The following SCN9A variants were observed in gnomAD, a reference collection of about 807,000 sequenced individuals.
The protein encoded by SCN9A is sodium voltage-gated channel alpha subunit 9.
A neutral mutation model predicts 187.0 loss-of-function variants in SCN9A; 131 were observed. That is an observed-to-expected ratio of 0.70 (90% confidence interval 0.61 to 0.81). The LOEUF (loss-of-function observed/expected upper bound fraction) is 0.81. Among genes scored for constraint, SCN9A ranks in the 30% least tolerant of loss-of-function variants. The probability of loss-of-function intolerance (pLI) is 0.00; values close to 1 mark genes in which losing one functional copy is unlikely to be tolerated. For synonymous variants in SCN9A, 809 were observed against 808.6 expected (o/e 1.00, Z -0.01); for missense variants, 2,252 against 2,396.6 (o/e 0.94, Z 1.26).
chr2:166,356,191 T>A (rs1380258089), intron 1 of SCN9A, among the ~76,000 whole-genome samples: 1 of 152,314 alleles, frequency 6.6e-6, no homozygotes, highest in East Asian at 1.9e-4. Flanking sequence ...AGTGTTTGGG[T>A]CATCCACCTC....
intron 9 of SCN9A, among the ~76,000 whole-genome samples, chr2:166,292,745 C>CA (rs1698133349): frequency 1.3e-5 from 2 of 151,984 alleles, no homozygotes; most frequent in South Asian, 2.1e-4. Flanking sequence ...GAAGAAAATA[C>CA]AAAAAATCAT....
intron 21 of SCN9A, 74 bp downstream of exon 21, chr2:166,233,266 C>A: frequency 2.7e-6 from 3 of 1,101,678 alleles, no homozygotes; most frequent in Non-Finnish European, 3.7e-6. Context: ...CTCATAATTT[C>A]TACATACCCA....
chr2:166,311,880 A>G (rs1698974717), intron 1 of SCN9A, 74 bp from the exon 2 acceptor site: 6 of 838,938 alleles, frequency 7.2e-6, no homozygotes, highest in Admixed American at 5.9e-5. Context: ...TAATAATAAC[A>G]ACATAAACAG....
At chr2:166,307,157 A>G (rs1459713708) in intron 2 of SCN9A, 83 bp from the exon 3 acceptor site, 2 of 729,764 alleles carry the variant, frequency 2.7e-6, no homozygotes, top group Non-Finnish European at 4.8e-6. Context: ...ACCTTTCTAC[A>G]TGGCAGTGTT....
chr2:166,349,396 T>G (rs1699979473), intron 1 of SCN9A, among the ~76,000 whole-genome samples: 2 of 152,238 alleles, frequency 1.3e-5, no homozygotes, highest in South Asian at 4.1e-4. Flanking sequence ...CACAAAGTTA[T>G]GTAATGAGTT....
In SCN9A at chr2:166,241,290, G is replaced by A. The variant is rs144128425; in HGVS notation, c.3627+1212C>T. On this transcript the variant is annotated intron_variant, in intron 19 of 26. Transcript: ENST00000642356. ...TAATGGCTCATCTCTGTCAGCGTCA[G>A]CAGGAAAAATGACAATTAAGAAAAA... Among the ~76,000 whole-genome samples the A allele has an allele frequency of 1.8e-3, 276 of 152,144 alleles. 1 individual carries two copies. The highest frequency in any genetic ancestry group is 6.4e-3 in the African/African-American group (266 of 41,530).
chr2:166,351,426 TG>T (rs1700030710), intron 1 of SCN9A, among the ~76,000 whole-genome samples: 1 of 152,186 alleles, frequency 6.6e-6, no homozygotes, highest in Non-Finnish European at 1.5e-5. Flanking sequence ...GTGGGTCATG[TG>T]GTAAGGTTCT....
At chr2:166,240,479 CCT>C (rs905900417) in intron 19 of SCN9A, among the ~76,000 whole-genome samples, 36 of 152,234 alleles carry the variant, frequency 2.4e-4, no homozygotes, top group African/African-American at 8.7e-4. Flanking sequence ...CAAATGTCTT[CCT>C]CTGTTTTAGA....
intron 26 of SCN9A, among the ~76,000 whole-genome samples, chr2:166,200,189 G>C (rs1234053039): frequency 6.7e-6 from 1 of 149,300 alleles, no homozygotes; most frequent in African/African-American, 2.5e-5. Context: ...AGTAGAGACG[G>C]GGTTTCACCT....
intron 17 of SCN9A, among the ~76,000 whole-genome samples, chr2:166,261,877 T>C (rs1455975110): frequency 1.4e-4 from 21 of 152,010 alleles, no homozygotes. Context: ...TTCTACTTAA[T>C]ACATTGTCCT....
At chr2:166,314,406 G>A (rs971822328) in intron 1 of SCN9A, among the ~76,000 whole-genome samples, 1 of 152,146 alleles carries the variant, frequency 6.6e-6, no homozygotes, top group African/African-American at 2.4e-5. Flanking sequence ...TTCAAAAGTA[G>A]GATGATTCTG....
At chr2:166,350,945 T>G (rs535596388) in intron 1 of SCN9A, among the ~76,000 whole-genome samples, 9 of 152,262 alleles carry the variant, frequency 5.9e-5, no homozygotes, top group African/African-American at 2.2e-4. Flanking sequence ...GACGGTGACT[T>G]TTTTTATAAT....
chr2:166,322,903 G>A (rs1699278443), intron 1 of SCN9A, among the ~76,000 whole-genome samples: 1 of 152,084 alleles, frequency 6.6e-6, no homozygotes, highest in Admixed American at 6.5e-5. Context: ...TAAAAATGTT[G>A]AGGCATTTAG....
intron 1 of SCN9A, among the ~76,000 whole-genome samples, chr2:166,343,641 A>G (rs1443608398): frequency 2.0e-5 from 3 of 152,054 alleles, no homozygotes; most frequent in Non-Finnish European, 4.4e-5. Flanking sequence ...GCTCATGCCT[A>G]TAATCCCAGC....
chr2:166,236,763 A>G (rs1169312626), intron 20 of SCN9A, among the ~76,000 whole-genome samples: 1 of 152,182 alleles, frequency 6.6e-6, no homozygotes, highest in Non-Finnish European at 1.5e-5. Flanking sequence ...ACAGTTGAGA[A>G]ATTGAACTTT....
chr2:166,303,970 T>A, intron 6 of SCN9A: 2 of 1,487,922 alleles, frequency 1.3e-6, no homozygotes, highest in Non-Finnish European at 9.3e-7. Flanking sequence ...AAAGAAAGGT[T>A]TTTTTTATGT....
intron 1 of SCN9A, among the ~76,000 whole-genome samples, chr2:166,341,883 A>AT (rs1369084610): frequency 1.3e-5 from 2 of 152,182 alleles, no homozygotes; most frequent in Non-Finnish European, 2.9e-5. Flanking sequence ...CTGTCATTTC[A>AT]TTCAGGAAAT....
intron 10 of SCN9A, among the ~76,000 whole-genome samples, chr2:166,287,780 T>C (rs540637477): frequency 1.3e-5 from 2 of 152,044 alleles, no homozygotes; most frequent in South Asian, 4.1e-4. Flanking sequence ...ATTATTTTCT[T>C]AATATCTCAT....
At chr2:166,270,695 G>A (rs1000104010) in intron 17 of SCN9A, among the ~76,000 whole-genome samples, 24 of 150,886 alleles carry the variant, frequency 1.6e-4, no homozygotes, top group Admixed American at 1.5e-3. Flanking sequence ...TGCGATCTTG[G>A]CTTACTGCAA....
Sources: gnomAD v4.1 joint callset for allele counts (sites outside exome capture counted in the v4.1 genomes callset) on GRCh38, gnomAD v4.1.1 for gene constraint, MANE v1.5 for transcripts, NCBI Gene and HGNC (gene_info 2026-07-23, HGNC 2026-07-21) for gene names.